The following ITPK1 variants were observed in gnomAD, a reference collection of about 807,000 sequenced individuals.
The protein encoded by ITPK1 is inositol 1,3,4-trisphosphate 5/6-kinase.
In ITPK1, 21 loss-of-function variants were observed where a neutral mutation model predicts 45.3. That is an observed-to-expected ratio of 0.46 (90% CI 0.33 to 0.67). The LOEUF is 0.67. Ranked by LOEUF, ITPK1 falls within the 30% of genes least tolerant of loss-of-function variation. The pLI is 0.02. For missense variants in ITPK1, 474 were observed against 573.5 expected (o/e 0.83, Z 1.77); for synonymous variants, 258 against 253.6 (o/e 1.02, Z -0.16).
intron 9 of ITPK1, among the ~76,000 whole-genome samples, chr14:92,947,472 C>T (rs1398245494): frequency 6.6e-6 from 1 of 152,264 alleles, no homozygotes; most frequent in Non-Finnish European, 1.5e-5. Context: ...GGGAAGGATT[C>T]TGGAGTCAGA....
rs537221283 is a variant in ITPK1, at chr14:93,086,905, A to G, written c.96-10286T>C. ...TACTGGAGTATCTCCCTGGCCCCTCAGATATTTTCGGGATGGCAGGTCAAA... is the reference window on the plus strand; with the variant it reads ...TACTGGAGTATCTCCCTGGCCCCTCGGATATTTTCGGGATGGCAGGTCAAA... On this transcript the variant is annotated intron_variant, in intron 2 of 10. Transcript: ENST00000267615. Among the ~76,000 whole-genome samples the G allele has an allele frequency of 2.6e-5, 4 of 152,336 alleles. No homozygotes were observed. In the South Asian group the frequency reaches 6.2e-4, roughly 24 times the overall value.
intron 3 of ITPK1, among the ~76,000 whole-genome samples, chr14:93,023,981 T>C (rs1311098605): frequency 6.6e-6 from 1 of 151,732 alleles, no homozygotes; most frequent in African/African-American, 2.4e-5. Flanking sequence ...AGCTAACCCC[T>C]CCCCTCTGTT....
At chr14:92,951,009 G>A (rs1180320272) in intron 9 of ITPK1, among the ~76,000 whole-genome samples, 1 of 152,234 alleles carries the variant, frequency 6.6e-6, no homozygotes, top group African/African-American at 2.4e-5. Context: ...AGACAGACAG[G>A]CCATCTGGGT....
chr14:93,103,788 G>A (rs1025469408), intron 2 of ITPK1, among the ~76,000 whole-genome samples: 6 of 152,142 alleles, frequency 3.9e-5, no homozygotes, highest in Admixed American at 6.5e-5. Flanking sequence ...CCTCACCTCC[G>A]CAGCCCAGCC....
intron 2 of ITPK1, among the ~76,000 whole-genome samples, chr14:93,094,572 G>A (rs1470001056): frequency 2.0e-5 from 3 of 152,118 alleles, no homozygotes; most frequent in Non-Finnish European, 2.9e-5. Context: ...CCAGCCCTAC[G>A]ATCATCTCCC....
intron 4 of ITPK1, among the ~76,000 whole-genome samples, chr14:93,002,871 T>C (rs1887421512): frequency 6.6e-6 from 1 of 152,158 alleles, no homozygotes; most frequent in Non-Finnish European, 1.5e-5. Flanking sequence ...TCCCAACCCA[T>C]GGTCCTCACT....
At chr14:92,947,038 GC>G (rs1454597784) in intron 9 of ITPK1, among the ~76,000 whole-genome samples, 4 of 152,220 alleles carry the variant, frequency 2.6e-5, no homozygotes, top group African/African-American at 9.6e-5. Flanking sequence ...GCCAGCAGCT[GC>G]GGGACATGGC....
At chr14:93,066,364 G>A (rs754041343) in intron 3 of ITPK1, 1 of 427,240 alleles carries the variant, frequency 2.3e-6, no homozygotes, top group South Asian at 1.6e-5. Flanking sequence ...CGTCTGCTGG[G>A]AAAGCAGGGT....
At position 92,941,228 on chromosome 14, in the gene ITPK1, GC is replaced by G; in HGVS notation, c.*332del. The G allele has an allele frequency of 2.3e-6, 3 of 1,311,056 alleles. No individual in the cohort carries two copies. The highest frequency in any genetic ancestry group is 2.9e-6 in the Non-Finnish European group (3 of 1,024,948). 81.2% of individuals were successfully genotyped at this position (1,311,056 alleles called of 1,614,324 possible). A position where few individuals can be genotyped will look rare whatever the true frequency, so the allele number is the denominator to read the frequency against. Reference sequence around the variant, plus strand: ...CATGGAGACCAACAGACAGGGATGTGCACAGACACTGGCATGGCAGCCATAC... The same window carrying G: ...CATGGAGACCAACAGACAGGGATGTGACAGACACTGGCATGGCAGCCATAC... On this transcript the variant is annotated 3_prime_UTR_variant, in exon 11 of 11. Transcript: ENST00000267615.
intron 5 of ITPK1, among the ~76,000 whole-genome samples, chr14:92,971,494 T>G (rs569658683): frequency 3.3e-5 from 5 of 152,258 alleles, no homozygotes; most frequent in Admixed American, 1.3e-4. Context: ...CAGGTGTGCA[T>G]GAAAAACTCG....
intron 2 of ITPK1, among the ~76,000 whole-genome samples, chr14:93,086,254 T>C (rs1263554659): frequency 6.6e-6 from 1 of 152,126 alleles, no homozygotes; most frequent in Non-Finnish European, 1.5e-5. Context: ...AGCATAAGTG[T>C]GTGTGTCCCC....
chr14:93,081,994 A>G (rs1303223915), intron 2 of ITPK1, among the ~76,000 whole-genome samples: 1 of 152,088 alleles, frequency 6.6e-6, no homozygotes, highest in Non-Finnish European at 1.5e-5. Context: ...GGGCCTGGGA[A>G]GGATTCAGGG....
At chr14:93,011,213 G>A (rs1163745738) in intron 4 of ITPK1, among the ~76,000 whole-genome samples, 2 of 152,178 alleles carry the variant, frequency 1.3e-5, no homozygotes, top group Non-Finnish European at 2.9e-5. Context: ...CTGCCATGAC[G>A]GCTGTCATTT....
At chr14:92,982,035 C>G (rs990756629) in intron 5 of ITPK1, among the ~76,000 whole-genome samples, 3 of 152,212 alleles carry the variant, frequency 2.0e-5, no homozygotes, top group African/African-American at 4.8e-5. Flanking sequence ...TGACAGGAGA[C>G]GCCACCCAGG....
rs1889093625 is a variant in ITPK1, at chr14:93,032,160, G to C, written c.121-15359C>G. Among the ~76,000 whole-genome samples, 1 of 152,106 alleles carries C rather than the reference G, an allele frequency of 6.6e-6. No individual in the cohort carries two copies. Among genetic ancestry groups the C allele is most frequent in the African/African-American group, 2.4e-5 (1 of 41,390 alleles). On this transcript the variant is annotated intron_variant, in intron 3 of 10. Transcript: ENST00000267615. This position sits in a 1 kb window ranked among gnomAD's most constrained non-coding sequence, Gnocchi z 4.0. The stretch of plus-strand genomic sequence containing the variant: ...GGGTCAGGAGTTTGCAACCAGCCTG[G>C]GCAACACAGTGAAACCCCATCTCTA...
At chr14:92,952,329 G>A (rs554367351) in intron 8 of ITPK1, among the ~76,000 whole-genome samples, 1 of 152,318 alleles carries the variant, frequency 6.6e-6, no homozygotes, top group East Asian at 1.9e-4. Flanking sequence ...CAGGGAAGTA[G>A]GGGAAAAGGG....
intron 3 of ITPK1, among the ~76,000 whole-genome samples, chr14:93,040,800 G>A (rs1304976348): frequency 1.3e-5 from 2 of 152,104 alleles, no homozygotes; most frequent in Non-Finnish European, 2.9e-5. Context: ...GTATGCAGCT[G>A]TAGGAAACAG....
At chr14:92,998,663 C>T (rs1887181908) in intron 4 of ITPK1, among the ~76,000 whole-genome samples, 1 of 152,054 alleles carries the variant, frequency 6.6e-6, no homozygotes, top group Non-Finnish European at 1.5e-5. Context: ...TTTTTAATTT[C>T]CCATAACACA....
chr14:93,089,754 G>A (rs1891793985), intron 2 of ITPK1, among the ~76,000 whole-genome samples: 1 of 152,150 alleles, frequency 6.6e-6, no homozygotes, highest in African/African-American at 2.4e-5. Flanking sequence ...GGCGGGCACA[G>A]CCCCCATCTT....
Sources: gnomAD v4.1 joint callset for allele counts (sites outside exome capture counted in the v4.1 genomes callset) on GRCh38, gnomAD v4.1.1 for gene constraint, Gnocchi (gnomAD v3.1) non-coding constraint, MANE v1.5 for transcripts, NCBI Gene and HGNC (gene_info 2026-07-23, HGNC 2026-07-21) for gene names.